Variants in LARS2 observed in about 807,000 individuals in gnomAD.
LARS2 encodes the protein leucyl-tRNA synthetase 2, mitochondrial.
LARS2 carries 81 observed loss-of-function variants against 116.6 expected under a neutral mutation model. The observed-to-expected ratio is 0.69, with a 90% CI of 0.58 to 0.84. The LOEUF (loss-of-function observed/expected upper bound fraction) is 0.84. Among genes scored for constraint, LARS2 ranks in the 40% least tolerant of loss-of-function variants. The probability of loss-of-function intolerance (pLI) is 0.00; values close to 1 mark genes in which losing one functional copy is unlikely to be tolerated. For missense variants in LARS2, 968 were observed against 1,114.5 expected, an observed-to-expected ratio of 0.87 and a Z score of 1.87; for synonymous variants, 396 against 407.2, an observed-to-expected ratio of 0.97 and a Z score of 0.33.
chr3:45,436,655 G>A (rs1275740916), intron 6 of LARS2, among the ~76,000 whole-genome samples: 3 of 151,880 alleles, frequency 2.0e-5, no homozygotes, highest in South Asian at 2.1e-4. Flanking sequence ...TTAGCCGGGC[G>A]CGGTGGCGGG....
At chr3:45,450,071 A>C (rs1312579642) in intron 7 of LARS2, among the ~76,000 whole-genome samples, 1 of 152,204 alleles carries the variant, frequency 6.6e-6, no homozygotes, top group Non-Finnish European at 1.5e-5. Context: ...AAAAAGTTTT[A>C]TTCCATGGAT....
At chr3:45,395,944 GT>G (rs1456956180) in intron 3 of LARS2, among the ~76,000 whole-genome samples, 1 of 152,226 alleles carries the variant, frequency 6.6e-6, no homozygotes. Flanking sequence ...AAGCCCTTGT[GT>G]CAACATCATC....
intron 6 of LARS2, among the ~76,000 whole-genome samples, chr3:45,430,710 G>A (rs979442315): frequency 6.8e-6 from 1 of 146,884 alleles, no homozygotes; most frequent in African/African-American, 2.5e-5. Context: ...TCAGCCTCCC[G>A]AGTAGCTGGG....
chr3:45,413,938 T>C (rs1698375018), intron 4 of LARS2, among the ~76,000 whole-genome samples: 1 of 152,226 alleles, frequency 6.6e-6, no homozygotes, highest in African/African-American at 2.4e-5. Flanking sequence ...GTGCTTGTGC[T>C]GGACATAAAG....
intron 21 of LARS2, among the ~76,000 whole-genome samples, chr3:45,544,688 T>C (rs1041215463): frequency 1.3e-5 from 2 of 152,066 alleles, no homozygotes; most frequent in African/African-American, 4.8e-5. Flanking sequence ...TCACTGAAGG[T>C]CACACAGCTA....
At position 45,415,705 on chromosome 3, in the gene LARS2, G is replaced by A. The variant is rs574051770; in HGVS notation, c.364-1777G>A. Among the ~76,000 whole-genome samples the A allele has an allele frequency of 7.2e-5, 11 of 151,938 alleles. No homozygotes were observed. The South Asian group carries it at 1.7e-3, about 23-fold the overall frequency. On this transcript the variant is annotated intron_variant, in intron 4 of 21. Coordinates refer to ENST00000645846, the MANE Select transcript of LARS2 (RefSeq NM_015340.4). ...TCTACTAAAAATACAAAAATTAGCC[G>A]GGTGTGGGGGTATGTGCCTGTAATC...
rs776088867 is a variant in LARS2 at position 45,485,675 on chromosome 3, T to C, written c.1019-17T>C. The C allele has an allele frequency of 7.5e-6, 11 of 1,471,122 alleles. No homozygotes were observed. The Admixed American group carries it at 1.5e-4, about 20-fold the overall frequency. The allele number at this position is 1,471,122 out of a possible 1,614,324, so 91.1% of individuals were successfully genotyped here. ...CTCAGTTGAGTGGCATCCACAGTTA[T>C]TTGCTCTCATTTTCAGATTGCCTCA... On this transcript the variant is annotated splice_polypyrimidine_tract_variant and intron_variant, in intron 10 of 21. Transcript: ENST00000645846.
intron 7 of LARS2, among the ~76,000 whole-genome samples, chr3:45,451,689 G>C (rs567127705): frequency 1.3e-5 from 2 of 151,964 alleles, no homozygotes; most frequent in Non-Finnish European, 2.9e-5. Flanking sequence ...GCTATTCAGG[G>C]TCTTTTGTGG....
chr3:45,496,217 G>T, intron 13 of LARS2, 58 bp from the exon 14 acceptor site: 1 of 1,316,850 alleles, frequency 7.6e-7, no homozygotes, highest in Non-Finnish European at 1.1e-6. Context: ...AAAAGCTGAT[G>T]GAAAACTGCA....
intron 13 of LARS2, among the ~76,000 whole-genome samples, chr3:45,495,959 A>T (rs1700004315): frequency 6.6e-6 from 1 of 152,028 alleles, no homozygotes; most frequent in African/African-American, 2.4e-5. Context: ...TCCCGGGTTC[A>T]AGCCATTCTC....
chr3:45,388,850 C>A (rs147089747), intron 1 of LARS2, 170 bp downstream of exon 1: 1,688 of 152,368 alleles, frequency 0.011, 12 homozygotes, highest in Non-Finnish European at 0.019. Flanking sequence ...TCTAGGTCTT[C>A]AGGACCTTTG....
chr3:45,489,805 G>A (rs1202741543), intron 12 of LARS2, among the ~76,000 whole-genome samples: 2 of 152,204 alleles, frequency 1.3e-5, no homozygotes, highest in Admixed American at 1.3e-4. Flanking sequence ...TATTGGTGGT[G>A]AGGGGGGCAT....
At position 45,438,099 on chromosome 3, in the gene LARS2, G is replaced by A. The variant is rs115914364; in HGVS notation, c.517-8792G>A. Among the ~76,000 whole-genome samples the A allele has an allele frequency of 6.0e-3, 913 of 152,208 alleles. 10 individuals carry two copies. The highest frequency in any genetic ancestry group is 0.021 in the African/African-American group (879 of 41,532). ...CCTGGGATTGTGATGAGAAGGACAT[G>A]AGAGGCCCCTAAACTGCCAATGCTG... On this transcript the variant is annotated intron_variant, in intron 6 of 21. Transcript: ENST00000645846.
At chr3:45,509,964 T>C (rs569106146) in intron 15 of LARS2, among the ~76,000 whole-genome samples, 5 of 152,124 alleles carry the variant, frequency 3.3e-5, no homozygotes, top group African/African-American at 1.2e-4. Flanking sequence ...CATTTCTTTC[T>C]TCCCTCCTCT....
At chr3:45,417,344 G>C in intron 4 of LARS2, 138 bp from the exon 5 acceptor site, 1 of 671,832 alleles carries the variant, frequency 1.5e-6, no homozygotes. Flanking sequence ...CCAGCTGGCT[G>C]TCAGATGCAT....
intron 15 of LARS2, among the ~76,000 whole-genome samples, chr3:45,507,873 G>A (rs1700222563): frequency 6.6e-6 from 1 of 151,866 alleles, no homozygotes; most frequent in African/African-American, 2.4e-5. Flanking sequence ...TTTACAGTAT[G>A]GTATATATTC....
At chr3:45,520,602 C>G (rs571205147) in intron 19 of LARS2, among the ~76,000 whole-genome samples, 1 of 152,262 alleles carries the variant, frequency 6.6e-6, no homozygotes, top group East Asian at 1.9e-4. Context: ...ACTCAGGCCT[C>G]CCTGTCTTCT....
intron 6 of LARS2, among the ~76,000 whole-genome samples, chr3:45,430,527 G>T (rs959876619): frequency 7.2e-6 from 1 of 138,262 alleles, no homozygotes; most frequent in African/African-American, 2.7e-5. Context: ...TGATCTGCCC[G>T]CCTCGGCCTC....
chr3:45,518,621 A>G (rs12630693), intron 18 of LARS2, among the ~76,000 whole-genome samples: 40,858 of 151,834 alleles, frequency 0.27, 5,808 homozygotes, highest in Middle Eastern at 0.4. Context: ...GGACTTTCCC[A>G]CTCAGTTACT....
Sources: allele counts gnomAD v4.1 joint callset (sites outside exome capture counted in the v4.1 genomes callset), GRCh38; gene constraint gnomAD v4.1.1; transcripts MANE v1.5; gene names NCBI Gene and HGNC (gene_info 2026-07-23, HGNC 2026-07-21).